UBE2E3: variants seen among roughly 807,000 people sequenced by gnomAD.
UBE2E3 encodes ubiquitin conjugating enzyme E2 E3, also known as ubiquitin-conjugating enzyme E2 E3.
UBE2E3 carries 5 observed loss-of-function variants against 23.6 expected under a neutral mutation model. The observed-to-expected ratio is 0.21, with a 90% CI of 0.11 to 0.44. The LOEUF (loss-of-function observed/expected upper bound fraction) is 0.44. Among genes scored for constraint, UBE2E3 ranks in the 20% least tolerant of loss-of-function variants. The pLI is 0.99. For missense variants in UBE2E3, 81 were observed against 249.8 expected, an observed-to-expected ratio of 0.32 and a Z score of 4.55; for synonymous variants, 78 against 87.5, an observed-to-expected ratio of 0.89 and a Z score of 0.60.
chr2:181,028,625 T>A (rs1431437458), intron 3 of UBE2E3, among the ~76,000 whole-genome samples: 2 of 147,248 alleles, frequency 1.4e-5, no homozygotes, highest in Non-Finnish European at 3.0e-5. Context: ...TCATCATGGT[T>A]TTAATTTGCA....
At chr2:181,035,363 T>C (rs1686234728) in intron 3 of UBE2E3, among the ~76,000 whole-genome samples, 1 of 152,180 alleles carries the variant, frequency 6.6e-6, no homozygotes, top group Non-Finnish European at 1.5e-5. Flanking sequence ...GCTTTTGTCA[T>C]TGTCATGGAA....
intron 3 of UBE2E3, among the ~76,000 whole-genome samples, chr2:181,016,585 T>C (rs1685498756): frequency 6.6e-6 from 1 of 152,192 alleles, no homozygotes; most frequent in Non-Finnish European, 1.5e-5. Context: ...GGCTTATAAG[T>C]AATGGAGGTA....
At chr2:181,056,478 AAAGCAAGAGG>A (rs1166458112) in intron 3 of UBE2E3, among the ~76,000 whole-genome samples, 1 of 151,790 alleles carries the variant, frequency 6.6e-6, no homozygotes, top group East Asian at 2.0e-4. Context: ...AAGAGATCAC[AAAGCAAGAGG>A]AAGCAAGAGA....
At chr2:181,001,128 A>G (rs1684977359) in intron 3 of UBE2E3, among the ~76,000 whole-genome samples, 1 of 152,218 alleles carries the variant, frequency 6.6e-6, no homozygotes, top group African/African-American at 2.4e-5. Context: ...AAACCTGTTG[A>G]AAGTTTTGAA....
At chr2:181,010,967 T>C (rs1427223026) in intron 3 of UBE2E3, among the ~76,000 whole-genome samples, 1 of 152,166 alleles carries the variant, frequency 6.6e-6, no homozygotes, top group East Asian at 1.9e-4. Flanking sequence ...TGCTGAAGGC[T>C]TGCCAGCTTC....
intron 3 of UBE2E3, among the ~76,000 whole-genome samples, chr2:181,034,209 T>C (rs1267630991): frequency 6.6e-6 from 1 of 152,226 alleles, no homozygotes; most frequent in Admixed American, 6.5e-5. Context: ...ATCATGCTGC[T>C]ATAAAGACAC....
chr2:181,011,662 A>G (rs1417311183), intron 3 of UBE2E3, among the ~76,000 whole-genome samples: 1 of 152,196 alleles, frequency 6.6e-6, no homozygotes, highest in African/African-American at 2.4e-5. Context: ...ATGTCTTTCT[A>G]TTCTTTAACT....
chr2:181,012,171 T>C (rs1392922612), intron 3 of UBE2E3, among the ~76,000 whole-genome samples: 1 of 152,200 alleles, frequency 6.6e-6, no homozygotes, highest in Non-Finnish European at 1.5e-5. Flanking sequence ...TTAATAGTAT[T>C]CATGTTCCTT....
chr2:181,060,605 G>A, intron 4 of UBE2E3, 60 bp from the exon 5 acceptor site: 7 of 1,401,982 alleles, frequency 5.0e-6, no homozygotes, highest in Non-Finnish European at 6.6e-6. Context: ...TTTTTTTTTA[G>A]TGTTTTAATT....
At chr2:181,009,502 T>C (rs1339100462) in intron 3 of UBE2E3, among the ~76,000 whole-genome samples, 1 of 151,966 alleles carries the variant, frequency 6.6e-6, no homozygotes, top group African/African-American at 2.4e-5. Flanking sequence ...GGTGTAATAA[T>C]TGGAAAATAT....
intron 3 of UBE2E3, among the ~76,000 whole-genome samples, chr2:181,021,632 T>TCC (rs774447954): frequency 3.3e-4 from 13 of 39,982 alleles, no homozygotes; most frequent in African/African-American, 9.8e-4. Flanking sequence ...CCCTCCCTTT[T>TCC]TTCCTTCCTT....
At chr2:180,998,991 A>G (rs1239929706) in intron 3 of UBE2E3, among the ~76,000 whole-genome samples, 2 of 152,172 alleles carry the variant, frequency 1.3e-5, no homozygotes, top group Non-Finnish European at 2.9e-5. Flanking sequence ...TGTAAGTGGT[A>G]TAAATGTCCC....
intron 3 of UBE2E3, among the ~76,000 whole-genome samples, chr2:181,029,996 G>C (rs1440415389): frequency 6.6e-6 from 1 of 151,788 alleles, no homozygotes. Context: ...ACCATGCCTG[G>C]CTAATTTTTG....
intron 3 of UBE2E3, among the ~76,000 whole-genome samples, chr2:181,027,314 G>T (rs1685926654): frequency 6.6e-6 from 1 of 151,830 alleles, no homozygotes; most frequent in South Asian, 2.1e-4. Context: ...ACAATATCCT[G>T]CTTTTTGCTT....
At chr2:181,033,155 T>G (rs897495652) in intron 3 of UBE2E3, among the ~76,000 whole-genome samples, 1 of 152,190 alleles carries the variant, frequency 6.6e-6, no homozygotes, top group Non-Finnish European at 1.5e-5. Flanking sequence ...CCAACGACTT[T>G]CTTCACAGAA....
At chr2:181,051,296 TTATC>T (rs1262061329) in intron 3 of UBE2E3, among the ~76,000 whole-genome samples, 1 of 151,858 alleles carries the variant, frequency 6.6e-6, no homozygotes, top group African/African-American at 2.4e-5. Flanking sequence ...TGCTGTATAA[TTATC>T]TATTTCCTTA....
intron 3 of UBE2E3, among the ~76,000 whole-genome samples, chr2:181,024,298 TA>T (rs1252390623): frequency 1.3e-5 from 2 of 152,122 alleles, no homozygotes; most frequent in Non-Finnish European, 1.5e-5. Context: ...GAATTAATGT[TA>T]AAACCAGATT....
Position 181,060,742 on chromosome 2 carries a change from C to T in UBE2E3, c.456C>T (p.Asn152=). 1.9e-6 allele frequency: 3 copies of T among 1,611,268 alleles called. No homozygotes were observed. Among genetic ancestry groups the T allele is most frequent in the Non-Finnish European group, 2.5e-6 (3 of 1,178,516 alleles). ...TCTGTCTGGACATCCTTAAAGACAA[C>T]TGGAGTCCCGCTTTGACTATTTCAA... is the stretch of plus-strand genomic sequence containing the variant. The part of the protein sequence containing the change: ...GVICLDILKD[N]WSPALTISKV... Residue 152 remains asparagine, a synonymous_variant, in exon 5 of 6, where the codon AAC becomes AAT. Coordinates refer to ENST00000410062, the MANE Select transcript of UBE2E3 (RefSeq NM_006357.4).
At chr2:181,058,870 T>C (rs990604875) in intron 4 of UBE2E3, among the ~76,000 whole-genome samples, 1 of 151,776 alleles carries the variant, frequency 6.6e-6, no homozygotes, top group Non-Finnish European at 1.5e-5. Flanking sequence ...CAATTACAGC[T>C]GTTAGTGTTT....
Sources: allele counts gnomAD v4.1 joint callset (sites outside exome capture counted in the v4.1 genomes callset), GRCh38; gene constraint gnomAD v4.1.1; transcripts MANE v1.5; gene names NCBI Gene and HGNC (gene_info 2026-07-23, HGNC 2026-07-21).